Variants in GRK3 observed in about 807,000 individuals in gnomAD.
GRK3 encodes adrenergic, beta, receptor kinase 2.
A neutral mutation model predicts 95.7 loss-of-function variants in GRK3; 54 were observed. That is an observed-to-expected ratio of 0.56 (90% CI 0.45 to 0.71). The LOEUF (loss-of-function observed/expected upper bound fraction) is 0.71, where lower values mean the gene tolerates loss of function less well. Ranked by LOEUF, GRK3 falls within the 30% of genes least tolerant of loss-of-function variation. The pLI, the probability that GRK3 is intolerant of heterozygous loss-of-function variation, is 0.00. For missense variants in GRK3, 649 were observed against 851.2 expected (o/e 0.76, Z 2.96); for synonymous variants, 281 against 290.8 (o/e 0.97, Z 0.34).
At chr22:25,615,431 C>T (rs888937236) in intron 2 of GRK3, among the ~76,000 whole-genome samples, 2 of 152,146 alleles carry the variant, frequency 1.3e-5, no homozygotes, top group Non-Finnish European at 2.9e-5. Flanking sequence ...ATAATATCTT[C>T]TGGTTTTAGA....
intron 2 of GRK3, among the ~76,000 whole-genome samples, chr22:25,608,522 C>T (rs1383685489): frequency 5.3e-5 from 8 of 152,128 alleles, no homozygotes; most frequent in African/African-American, 1.9e-4. Flanking sequence ...TTCCTCAGGC[C>T]AGCAGCAAGG....
Position 25,592,766 on chromosome 22 carries a change from C to T in GRK3, c.114-11611C>T, listed in dbSNP as rs114219205. 7.0e-3 allele frequency among the ~76,000 whole-genome samples: 1,061 copies of T among 152,296 alleles called. 2 individuals are homozygous for T. The highest frequency in any genetic ancestry group is 0.023 in the African/African-American group (953 of 41,532). On this transcript the variant is annotated intron_variant, in intron 1 of 20. Coordinates refer to ENST00000324198, the MANE Select transcript of GRK3 (RefSeq NM_005160.4). ...GATCCCATTGCCTAGTTAGTGAGCA[C>T]AGTATCCAGTAGTGTTTCAACCCTT...
intron 12 of GRK3, among the ~76,000 whole-genome samples, chr22:25,692,700 TG>T (rs1347863615): frequency 1.3e-5 from 2 of 152,240 alleles, no homozygotes; most frequent in Non-Finnish European, 2.9e-5. Context: ...ATCCAATTTT[TG>T]TGGTATGGAA....
rs1028576061 is a variant in GRK3, at chr22:25,721,482, A to T, written c.1905+85A>T. 5 of 789,754 alleles carry T rather than the reference A, an allele frequency of 6.3e-6. No homozygotes were observed. The Admixed American group carries it at 7.7e-5, about 12-fold the overall frequency. 48.9% of individuals were successfully genotyped at this position (789,754 alleles called of 1,614,324 possible). On this transcript the variant is annotated intron_variant, in intron 20 of 20. Transcript: ENST00000324198. Reference sequence around the variant, plus strand: ...CTGCCTGTCTATAAAACATTTTCTTATGCCATGTTTTATCACTTACAAACT... The same window carrying T: ...CTGCCTGTCTATAAAACATTTTCTTTTGCCATGTTTTATCACTTACAAACT...
intron 3 of GRK3, chr22:25,648,623 TG>T: frequency 1.8e-6 from 2 of 1,088,430 alleles, no homozygotes; most frequent in Non-Finnish European, 2.8e-6. Context: ...CTGTTGTTTC[TG>T]AAGAGCCAAT....
At chr22:25,637,857 T>G (rs1213703139) in intron 2 of GRK3, among the ~76,000 whole-genome samples, 1 of 152,176 alleles carries the variant, frequency 6.6e-6, no homozygotes, top group Non-Finnish European at 1.5e-5. Context: ...GGATAGCTGA[T>G]GGTGCAGATG....
intron 2 of GRK3, among the ~76,000 whole-genome samples, chr22:25,609,366 C>T (rs1415231533): frequency 1.3e-5 from 2 of 151,222 alleles, no homozygotes; most frequent in South Asian, 2.1e-4. Flanking sequence ...CAGTCTTGCC[C>T]TGTTGCCCAG....
chr22:25,706,134 T>C (rs2085297716), intron 15 of GRK3, among the ~76,000 whole-genome samples: 1 of 152,248 alleles, frequency 6.6e-6, no homozygotes, highest in Admixed American at 6.5e-5. Context: ...TTCTTTGTTT[T>C]ACTTGCCGAT....
intron 8 of GRK3, among the ~76,000 whole-genome samples, chr22:25,675,226 ATGAAG>A (rs113130778): frequency 0.083 from 12,700 of 152,134 alleles, 596 homozygotes; most frequent in Middle Eastern, 0.15. Flanking sequence ...CTCACCGACG[ATGAAG>A]TGAAGCATAA....
chr22:25,696,833 C>T (rs566367587), intron 13 of GRK3, among the ~76,000 whole-genome samples: 1 of 152,336 alleles, frequency 6.6e-6, no homozygotes, highest in Admixed American at 6.5e-5. Flanking sequence ...AAGTCGGGTT[C>T]TGTTATTCCT....
chr22:25,682,010 C>T (rs573483521), intron 9 of GRK3, among the ~76,000 whole-genome samples: 3 of 152,154 alleles, frequency 2.0e-5, no homozygotes, highest in Admixed American at 1.3e-4. Context: ...TTCAGCACCC[C>T]GAGAGGTGAG....
chr22:25,666,310 C>G (rs913971397), intron 5 of GRK3, among the ~76,000 whole-genome samples: 2 of 152,090 alleles, frequency 1.3e-5, no homozygotes, highest in Admixed American at 6.5e-5. Context: ...ATAAATGTAG[C>G]CTTTTCTTAG....
chr22:25,595,685 A>G (rs2084367741), intron 1 of GRK3, among the ~76,000 whole-genome samples: 1 of 152,172 alleles, frequency 6.6e-6, no homozygotes, highest in Admixed American at 6.5e-5. Flanking sequence ...GGTGGCTTGC[A>G]CCAATAATTC....
At chr22:25,657,858 C>G (rs952932175) in intron 3 of GRK3, among the ~76,000 whole-genome samples, 1 of 151,940 alleles carries the variant, frequency 6.6e-6, no homozygotes, top group Admixed American at 6.6e-5. Context: ...CCTGGATGCC[C>G]TGTCTGAGTT....
At chr22:25,675,869 C>G (rs967725940) in intron 8 of GRK3, among the ~76,000 whole-genome samples, 1 of 152,228 alleles carries the variant, frequency 6.6e-6, no homozygotes, top group Non-Finnish European at 1.5e-5. Context: ...GCCCGGCACT[C>G]AGGAGTTTGA....
rs77818200 is a variant in GRK3 at position 25,691,585 on chromosome 22, G to A, written c.1052+1302G>A. On this transcript the variant is annotated intron_variant, in intron 12 of 20. Transcript: ENST00000324198. ...AATTATTAGGCCAGAACCTGTGGTCGTATAAGCGTCTCTCAGGGAGTTCAT... is the reference window on the plus strand; with the variant it reads ...AATTATTAGGCCAGAACCTGTGGTCATATAAGCGTCTCTCAGGGAGTTCAT... Among the ~76,000 whole-genome samples the A allele has an allele frequency of 5.6e-3, 850 of 152,336 alleles. 2 individuals carry two copies. Among genetic ancestry groups the A allele is most frequent in the Non-Finnish European group, 9.2e-3 (623 of 68,040 alleles).
At chr22:25,719,700 G>A (rs111458138) in intron 19 of GRK3, among the ~76,000 whole-genome samples, 41 of 106,224 alleles carry the variant, frequency 3.9e-4, no homozygotes, top group Admixed American at 1.9e-3. Flanking sequence ...TTGGTGGGGT[G>A]GGGGGGGGGC....
intron 1 of GRK3, among the ~76,000 whole-genome samples, chr22:25,568,454 C>A (rs1931570626): frequency 6.6e-6 from 1 of 152,146 alleles, no homozygotes; most frequent in Non-Finnish European, 1.5e-5. Flanking sequence ...TCACCTATTG[C>A]AAAGCTTGTC....
chr22:25,691,035 A>C (rs950954734), intron 12 of GRK3, among the ~76,000 whole-genome samples: 5 of 152,040 alleles, frequency 3.3e-5, no homozygotes, highest in Admixed American at 1.3e-4. Flanking sequence ...TTCTCTCTGT[A>C]CTCGGGGTTG....
Sources: allele counts gnomAD v4.1 joint callset (sites outside exome capture counted in the v4.1 genomes callset), GRCh38; gene constraint gnomAD v4.1.1; transcripts MANE v1.5; gene names NCBI Gene and HGNC (gene_info 2026-07-23, HGNC 2026-07-21).